Variants in USH2A observed in about 807,000 individuals in gnomAD.
USH2A encodes usherin, also known as Usher syndrome 2A (autosomal recessive, mild).
Under a neutral mutation model 538.9 loss-of-function variants are expected in USH2A, and 443 were observed. The observed-to-expected ratio is 0.82, with a 90% CI of 0.76 to 0.89. The LOEUF (loss-of-function observed/expected upper bound fraction) is 0.89, where lower values mean the gene tolerates loss of function less well. USH2A is among the 40% of genes least tolerant of loss of function. The pLI is 0.00. For missense variants in USH2A, 6,633 were observed against 6,324.8 expected (o/e 1.05, Z -1.65); for synonymous variants, 2,413 against 2,273.5 (o/e 1.06, Z -1.75).
rs577543520 is a variant in USH2A at position 216,030,642 on chromosome 1, C to T, written c.6325+15789G>A. Among the ~76,000 whole-genome samples, 432 of 132,536 alleles carry T rather than the reference C, an allele frequency of 3.3e-3. 2 individuals are homozygous for T. Among genetic ancestry groups the T allele is most frequent in the African/African-American group, 0.011 (411 of 36,644 alleles). The allele number at this position is 132,536 out of a possible 152,430, so 86.9% of individuals were successfully genotyped here. A position where few individuals can be genotyped will look rare whatever the true frequency, so the allele number is the denominator to read the frequency against. ...ATATATCACAGATATATAATATATA[C>T]GATATATATATATAAATCAAAATAC... On this transcript the variant is annotated intron_variant, in intron 32 of 71. Coordinates refer to ENST00000307340, the MANE Select transcript of USH2A (RefSeq NM_206933.4).
intron 38 of USH2A, among the ~76,000 whole-genome samples, chr1:215,903,720 GCA>G (rs1665561803): frequency 6.6e-6 from 1 of 152,062 alleles, no homozygotes; most frequent in Admixed American, 6.6e-5. Flanking sequence ...TTGATGATGC[GCA>G]GTTTCTTAGT....
At chr1:216,412,566 T>TA (rs956727906) in intron 3 of USH2A, among the ~76,000 whole-genome samples, 1 of 151,990 alleles carries the variant, frequency 6.6e-6, no homozygotes, top group Admixed American at 6.6e-5. Context: ...GGGGTATAGT[T>TA]AAAAAATATA....
Position 216,134,758 on chromosome 1 carries a change from T to A in USH2A, c.4628-37545A>T, listed in dbSNP as rs1351864029. 5.9e-5 allele frequency among the ~76,000 whole-genome samples: 9 copies of A among 152,058 alleles called. No homozygotes were observed. In the South Asian group the frequency reaches 1.9e-3, roughly 31 times the overall value. On this transcript the variant is annotated intron_variant, in intron 21 of 71. Coordinates refer to ENST00000307340, the MANE Select transcript of USH2A (RefSeq NM_206933.4). ...ACAGATTCCATTGTTTTCAAAGAAATAGCCAAATATGTCCAGAAACCATTG... is the reference window on the plus strand; with the variant it reads ...ACAGATTCCATTGTTTTCAAAGAAAAAGCCAAATATGTCCAGAAACCATTG...
intron 21 of USH2A, among the ~76,000 whole-genome samples, chr1:216,121,893 T>C (rs1436039603): frequency 6.6e-6 from 1 of 152,176 alleles, no homozygotes; most frequent in Non-Finnish European, 1.5e-5. Flanking sequence ...GTCCTAAATA[T>C]GGGTAACAGT....
intron 32 of USH2A, among the ~76,000 whole-genome samples, chr1:216,028,618 A>G (rs1274047330): frequency 5.9e-5 from 9 of 152,094 alleles, no homozygotes; most frequent in African/African-American, 2.4e-5. Flanking sequence ...TTTAAAAACC[A>G]CCATAAACAA....
intron 61 of USH2A, among the ~76,000 whole-genome samples, chr1:215,684,605 T>G (rs1047944396): frequency 6.6e-6 from 1 of 152,172 alleles, no homozygotes; most frequent in African/African-American, 2.4e-5. Flanking sequence ...CTCCCAGTAA[T>G]GAACCAAAAC....
At chr1:215,867,281 C>A in intron 43 of USH2A, 111 bp from the exon 44 acceptor site, 1 of 1,161,402 alleles carries the variant, frequency 8.6e-7, no homozygotes, top group Non-Finnish European at 1.2e-6. Flanking sequence ...CACCCCTCTA[C>A]AAAATACTGT....
chr1:216,198,512 C>G lies in USH2A; in HGVS notation c.3884G>C (p.Arg1295Pro). ...GAGCCAACCACTGCTCTGAAAAACTCGACTTTCCTCAGATGTGGTTTCTTT... is the reference window on the plus strand; with the variant it reads ...GAGCCAACCACTGCTCTGAAAAACTGGACTTTCCTCAGATGTGGTTTCTTT... ...STKETTSEES[R>P]VFQSSGWLSP... is the part of the protein sequence containing the mutation. Residue 1295 changes from arginine to proline, a missense_variant, in exon 18 of 72, where the codon CGA becomes CCA. Coordinates refer to ENST00000307340, the MANE Select transcript of USH2A (RefSeq NM_206933.4). The G allele has an allele frequency of 6.2e-7, 1 of 1,613,958 alleles. No individual in the cohort carries two copies. Among genetic ancestry groups the G allele is most frequent in the East Asian group, 2.2e-5 (1 of 44,808 alleles).
At chr1:216,135,226 C>A (rs918793375) in intron 21 of USH2A, among the ~76,000 whole-genome samples, 1 of 150,708 alleles carries the variant, frequency 6.6e-6, no homozygotes, top group African/African-American at 2.4e-5. Flanking sequence ...ATATAAATTC[C>A]TCCTTTAAAA....
At chr1:215,639,282 C>T in intron 68 of USH2A, 44 bp from the exon 69 acceptor site, 1 of 1,584,544 alleles carries the variant, frequency 6.3e-7, no homozygotes, top group Non-Finnish European at 8.7e-7. Flanking sequence ...TCATTCAACA[C>T]CTACAAATAG....
At position 216,042,788 on chromosome 1, in the gene USH2A, TCC is replaced by T. The variant is rs1355319737; in HGVS notation, c.6325+3641_6325+3642del. Among the ~76,000 whole-genome samples, 11 of 152,170 alleles carry T rather than the reference TCC, an allele frequency of 7.2e-5. No homozygotes were observed. The South Asian group carries it at 2.3e-3, about 32-fold the overall frequency. On this transcript the variant is annotated intron_variant, in intron 32 of 71. Coordinates refer to ENST00000307340, the MANE Select transcript of USH2A (RefSeq NM_206933.4). Reference sequence around the variant, plus strand: ...AAAAATATAAATGACCTGAACTTAGTCCATATCACTGATATAAAATCTGTGGT... The same window carrying T: ...AAAAATATAAATGACCTGAACTTAGTATATCACTGATATAAAATCTGTGGT...
intron 69 of USH2A, among the ~76,000 whole-genome samples, chr1:215,638,929 G>A (rs1371549849): frequency 4.7e-5 from 7 of 149,766 alleles, no homozygotes; most frequent in Non-Finnish European, 8.9e-5. Context: ...AGTGAGCCAA[G>A]ATTGCACCAC....
intron 21 of USH2A, among the ~76,000 whole-genome samples, chr1:216,169,262 A>C (rs952710054): frequency 5.3e-5 from 8 of 152,154 alleles, no homozygotes; most frequent in African/African-American, 1.9e-4. Context: ...GTTAACTAAA[A>C]TACTGCTAAC....
At chr1:216,187,886 C>T (rs888037401) in intron 20 of USH2A, among the ~76,000 whole-genome samples, 4 of 151,938 alleles carry the variant, frequency 2.6e-5, no homozygotes, top group Admixed American at 6.6e-5. Flanking sequence ...TAAGGTCACA[C>T]AGCTAGTCAA....
In USH2A at chr1:215,675,212, CCA is replaced by C. The variant is rs764917754; in HGVS notation, c.12697_12698del (p.Trp4233AspfsTer4). 25 of 1,613,812 alleles carry C rather than the reference CCA, an allele frequency of 1.5e-5. No individual in the cohort carries two copies. Among genetic ancestry groups the C allele is most frequent in the Non-Finnish European group, 2.0e-5 (24 of 1,179,920 alleles). ...FMYNDTGLQP[W>X]TQCEYKIYTW... Reference sequence around the variant, plus strand: ...TGTAGATTTTATATTCACACTGCGTCCATGGTTGCAAACCTGTGTCATTATAC... The same window carrying C: ...TGTAGATTTTATATTCACACTGCGTCTGGTTGCAAACCTGTGTCATTATAC... On this transcript the variant is annotated frameshift_variant, in exon 63 of 72. Coordinates refer to ENST00000307340, the MANE Select transcript of USH2A (RefSeq NM_206933.4). LOFTEE classifies it high-confidence loss of function.
intron 67 of USH2A, 47 bp downstream of exon 67, chr1:215,647,475 C>A: frequency 5.0e-6 from 8 of 1,611,226 alleles, no homozygotes; most frequent in Non-Finnish European, 6.8e-6. Flanking sequence ...CTTCTCCTGA[C>A]CACATTCCAA....
intron 58 of USH2A, among the ~76,000 whole-genome samples, chr1:215,751,378 C>T (rs1308225402): frequency 6.6e-6 from 1 of 151,994 alleles, no homozygotes; most frequent in African/African-American, 2.4e-5. Flanking sequence ...GTACGTTAAA[C>T]CTAAATGACT....
chr1:216,075,843 C>T (rs574922362), intron 27 of USH2A, among the ~76,000 whole-genome samples: 1 of 117,110 alleles, frequency 8.5e-6, no homozygotes, highest in Non-Finnish European at 1.8e-5. Context: ...AGGAAGATTG[C>T]AACGTTAGTA....
chr1:215,728,453 A>G (rs1558072309), intron 60 of USH2A, 69 bp from the exon 61 acceptor site: 1 of 1,462,490 alleles, frequency 6.8e-7, no homozygotes, highest in Non-Finnish European at 9.5e-7. Flanking sequence ...AGATGGAGTA[A>G]AAACATTTTT....
Sources: allele counts gnomAD v4.1 joint callset (sites outside exome capture counted in the v4.1 genomes callset), GRCh38; gene constraint gnomAD v4.1.1; transcripts MANE v1.5; gene names NCBI Gene and HGNC (gene_info 2026-07-23, HGNC 2026-07-21).